DUOX1: variants seen among roughly 807,000 people sequenced by gnomAD.
The protein encoded by DUOX1 is dual oxidase 1, also known as NADPH thyroid oxidase 1.
A neutral mutation model predicts 181.8 loss-of-function variants in DUOX1; 134 were observed. That is an observed-to-expected ratio of 0.74 (90% CI 0.64 to 0.85). DUOX1 has a LOEUF of 0.85. DUOX1 is among the 40% of genes least tolerant of loss of function. DUOX1 has a pLI of 0.00. For synonymous variants in DUOX1, 798 were observed against 832.5 expected (o/e 0.96, Z 0.71); for missense variants, 1,814 against 2,064.4 (o/e 0.88, Z 2.35).
Position 45,152,021 on chromosome 15 carries a change from C to G in DUOX1, c.3162C>G (p.Ile1054Met), listed in dbSNP as rs1896820678. ...GCTGCGTGGCCGTGTTCTACGCCAT[C>G]GCTGGGGGGCTTTTCCTGGAGAGGG... ...HIGCVAVFYA[I>M]AGGLFLERAY... The change falls in exon 24 of 34, where the codon ATC (isoleucine) becomes ATG (methionine). Residue 1054 changes from isoleucine (I) to methionine (M), a missense_variant. By Grantham distance (10) the Ile-to-Met change is conservative. Coordinates refer to ENST00000389037, the MANE Select transcript of DUOX1 (RefSeq NM_175940.3). The G allele has an allele frequency of 6.2e-7, 1 of 1,614,110 alleles. No individual in the cohort carries two copies. The highest frequency in any genetic ancestry group is 1.1e-5 in the South Asian group (1 of 91,082).
chr15:45,150,731 A>C, intron 22 of DUOX1, 30 bp downstream of exon 22: 1 of 1,609,782 alleles, frequency 6.2e-7, no homozygotes, highest in Non-Finnish European at 8.5e-7. Context: ...TGTCGGGGGG[A>C]GGAGTTGGGG....
chr15:45,164,732 C>T, intron 33 of DUOX1, 47 bp from the exon 34 acceptor site: 1 of 1,613,122 alleles, frequency 6.2e-7, no homozygotes, highest in Non-Finnish European at 8.5e-7. Context: ...TGCGTTATCC[C>T]TGCCTCTGAG....
chr15:45,133,134 C>T (rs1477822855), intron 2 of DUOX1, among the ~76,000 whole-genome samples: 4 of 152,180 alleles, frequency 2.6e-5, no homozygotes, highest in Non-Finnish European at 5.9e-5. Flanking sequence ...CTGGATCTTC[C>T]CTCTGTCCCT....
intron 25 of DUOX1, chr15:45,152,989 G>A (rs1339561864): frequency 3.4e-6 from 1 of 296,422 alleles, no homozygotes; most frequent in Non-Finnish European, 6.4e-6. Flanking sequence ...GGGAAGCTGA[G>A]GCGGGCGGAT....
intron 22 of DUOX1, 45 bp from the exon 23 acceptor site, chr15:45,151,078 T>C (rs1180747312): frequency 1.9e-6 from 3 of 1,608,384 alleles, no homozygotes; most frequent in Non-Finnish European, 2.5e-6. Flanking sequence ...GAGGAACGAG[T>C]GGTTGAGATG....
intron 26 of DUOX1, 50 bp from the exon 27 acceptor site, chr15:45,153,901 G>A (rs1041508099): frequency 4.8e-6 from 7 of 1,443,392 alleles, no homozygotes; most frequent in East Asian, 2.3e-5. Flanking sequence ...AAAAAAAAAA[G>A]AGAGAGAGAT....
chr15:45,153,530 G>GTAA (rs1896882585), intron 26 of DUOX1, 51 bp downstream of exon 26: 89 of 788,536 alleles, frequency 1.1e-4, no homozygotes, highest in Non-Finnish European at 1.3e-4. Flanking sequence ...GTGTGTGTGT[G>GTAA]TGTGTGTGTG....
intron 15 of DUOX1, among the ~76,000 whole-genome samples, chr15:45,142,797 AAGGGAGGG>A (rs1296906213): frequency 5.6e-5 from 8 of 143,668 alleles, no homozygotes; most frequent in Non-Finnish European, 7.7e-5. Flanking sequence ...GGGAGGGAGG[AAGGGAGGG>A]AGGAAGAGCA....
At chr15:45,143,526 C>A (rs1420055225) in intron 16 of DUOX1, among the ~76,000 whole-genome samples, 1 of 152,198 alleles carries the variant, frequency 6.6e-6, no homozygotes, top group Non-Finnish European at 1.5e-5. Context: ...AAGTGTAAGA[C>A]CCTGTAGTGA....
chr15:45,160,363 C>T (rs541788603), intron 28 of DUOX1, among the ~76,000 whole-genome samples: 3 of 152,214 alleles, frequency 2.0e-5, no homozygotes, highest in East Asian at 1.9e-4. Context: ...AAGGACTGGC[C>T]GTGTTTGAGG....
At chr15:45,161,437 A>AAAAG in intron 29 of DUOX1, among the ~76,000 whole-genome samples, 1 of 113,408 alleles carries the variant, frequency 8.8e-6, no homozygotes, top group Non-Finnish European at 2.0e-5. Context: ...AAAAAAAAAA[A>AAAAG]AAAGGAAGGA....
At chr15:45,161,633 G>C in intron 29 of DUOX1, 105 bp from the exon 30 acceptor site, 1 of 1,039,324 alleles carries the variant, frequency 9.6e-7, no homozygotes, top group Non-Finnish European at 1.4e-6. Context: ...GGCCTCCTTT[G>C]TCATATTCCA....
rs1264738660 is a variant in DUOX1, at chr15:45,153,326, T to G, written c.3425-54T>G. On this transcript the variant is annotated intron_variant, in intron 25 of 33. Coordinates refer to ENST00000389037, the MANE Select transcript of DUOX1 (RefSeq NM_175940.3). ...GGTCCTCGATCTTGGGCTGAATGAG[T>G]GAGCACCCACCCTGGGCTGCCCCAA... is the stretch of plus-strand genomic sequence containing the variant. 4 of 1,471,012 alleles carry G rather than the reference T, an allele frequency of 2.7e-6. No individual in the cohort carries two copies. The East Asian group carries it at 6.8e-5, about 25-fold the overall frequency. The allele number at this position is 1,471,012 out of a possible 1,614,324, so 91.1% of individuals were successfully genotyped here. A position where few individuals can be genotyped will look rare whatever the true frequency, so the allele number is the denominator to read the frequency against.
At chr15:45,140,678 T>C (rs1365398667) in intron 12 of DUOX1, 1 of 475,632 alleles carries the variant, frequency 2.1e-6, no homozygotes, top group Non-Finnish European at 3.7e-6. Context: ...CTTTATAAAA[T>C]AGGCAGCTGA....
At chr15:45,143,481 G>A (rs1448051063) in intron 16 of DUOX1, among the ~76,000 whole-genome samples, 178 bp downstream of exon 16, 1 of 152,216 alleles carries the variant, frequency 6.6e-6, no homozygotes, top group Non-Finnish European at 1.5e-5. Flanking sequence ...AGTTTCTCAT[G>A]TGCAGCAGTC....
rs369135011 is a variant in DUOX1, at chr15:45,148,263, C to T, written c.2643-9C>T. 7 of 1,613,924 alleles carry T rather than the reference C, an allele frequency of 4.3e-6. No individual in the cohort carries two copies. The highest frequency in any genetic ancestry group is 5.9e-6 in the Non-Finnish European group (7 of 1,180,050). On this transcript the variant is annotated splice_polypyrimidine_tract_variant and intron_variant, in intron 20 of 33. Coordinates refer to ENST00000389037, the MANE Select transcript of DUOX1 (RefSeq NM_175940.3). The stretch of plus-strand genomic sequence containing the variant: ...TCAGGGCCGGATGGTTCCTCTCCCC[C>T]AACCCCAGATCCTTCATCGAGATCT...
In DUOX1 at chr15:45,160,943, G is replaced by C; in HGVS notation, c.3809G>C (p.Arg1270Pro). The C allele has an allele frequency of 6.2e-7, 1 of 1,614,150 alleles. No individual in the cohort carries two copies. Among genetic ancestry groups the C allele is most frequent in the Non-Finnish European group, 8.5e-7 (1 of 1,180,002 alleles). The change falls in exon 29 of 34, where the codon CGG becomes CCG. Residue 1270 changes from arginine to proline, a missense_variant. By Grantham distance (103) the Arg-to-Pro change is moderately radical. Coordinates refer to ENST00000389037, the MANE Select transcript of DUOX1 (RefSeq NM_175940.3). Reference sequence around the variant, plus strand: ...GGCGACAAGCTGGTGAGCCTGAGCCGGAAGAAGGTGGAGATCAGCGTGGTG... The same window carrying C: ...GGCGACAAGCTGGTGAGCCTGAGCCCGAAGAAGGTGGAGATCAGCGTGGTG... ...YGGDKLVSLSRKKVEISVVKA... is the reference protein window; with the variant it reads ...YGGDKLVSLSPKKVEISVVKA...
rs776775970 is a variant in DUOX1 at position 45,135,144 on chromosome 15, C to A, written c.348C>A (p.Pro116=). Residue 116 remains proline (P), a synonymous_variant, in exon 5 of 34, where the codon CCC becomes CCA. Coordinates refer to ENST00000389037, the MANE Select transcript of DUOX1 (RefSeq NM_175940.3). ...VLSDLVSVET[P]GCPAEFLNIR... ...CAGACCTGGTGAGCGTGGAAACTCCCGGCTGCCCCGCCGAGTTCCTCAACA... is the reference window on the plus strand; with the variant it reads ...CAGACCTGGTGAGCGTGGAAACTCCAGGCTGCCCCGCCGAGTTCCTCAACA... 8 of 1,613,618 alleles carry A rather than the reference C, an allele frequency of 5.0e-6. No homozygotes were observed. The highest frequency in any genetic ancestry group is 3.3e-5 in the Admixed American group (2 of 59,976).
At chr15:45,154,050 AGGCTCTGGGTTCTCTGCACCC>A in intron 27 of DUOX1, 50 bp downstream of exon 27, 1 of 1,582,182 alleles carries the variant, frequency 6.3e-7, no homozygotes, top group Non-Finnish European at 8.7e-7. Flanking sequence ...TGTGAGTTCA[AGGCTCTGGGTTCTCTGCACCC>A]CAGAGCAACC....
Sources: gnomAD v4.1 joint callset for allele counts (sites outside exome capture counted in the v4.1 genomes callset) on GRCh38, gnomAD v4.1.1 for gene constraint, MANE v1.5 for transcripts, NCBI Gene and HGNC (gene_info 2026-07-23, HGNC 2026-07-21) for gene names.